The following SSH3 variants were observed in gnomAD, a reference collection of about 807,000 sequenced individuals.
The protein encoded by SSH3 is protein phosphatase Slingshot homolog 3.
A neutral mutation model predicts 75.0 loss-of-function variants in SSH3; 67 were observed. The ratio of observed to expected loss-of-function variants is 0.89; its 90% CI spans 0.73 to 1.10. The LOEUF is 1.10. Among genes scored for constraint, SSH3 ranks in the 50% least tolerant of loss-of-function variants. The pLI is 0.00. For synonymous variants in SSH3, 318 were observed against 349.2 expected (o/e 0.91, Z 1.00); for missense variants, 824 against 872.7 (o/e 0.94, Z 0.70).
chr11:67,307,258 A>G lies in SSH3; in HGVS notation c.537-113A>G, dbSNP rs1430260542. 6 of 1,563,870 alleles carry G rather than the reference A, an allele frequency of 3.8e-6. No individual in the cohort carries two copies. The East Asian group carries it at 1.4e-4, about 37-fold the overall frequency. On this transcript the variant is annotated intron_variant, in intron 5 of 13. Transcript: ENST00000308127. The surrounding 1 kb of genome is among the most constrained non-coding windows in gnomAD (Gnocchi z 4.2). ...CCAGCTCCACGTCAGATTCACCGTG[A>G]TCCTGAGCAAGGCACCTGACTCCTG...
chr11:67,305,069 A>G lies in SSH3; in HGVS notation c.339+62A>G, dbSNP rs537861551. ...AGAGACACGCCTGAGGGCAGAATGG[A>G]GCCCTGTGTATGTGTCTGCTTGGGG... is the stretch of plus-strand genomic sequence containing the variant. On this transcript the variant is annotated intron_variant, in intron 3 of 13. Coordinates refer to ENST00000308127, the MANE Select transcript of SSH3 (RefSeq NM_017857.4). The G allele has an allele frequency of 7.9e-5, 118 of 1,493,186 alleles. No individual in the cohort carries two copies. The Admixed American group carries it at 1.4e-3, about 17-fold the overall frequency. 92.5% of individuals were successfully genotyped at this position (1,493,186 alleles called of 1,614,324 possible). A position where few individuals can be genotyped will look rare whatever the true frequency, so the allele number is the denominator to read the frequency against.
chr11:67,309,444 C>G lies in SSH3; in HGVS notation c.1109C>G (p.Pro370Arg). The change falls in exon 11 of 14, where the codon CCT (proline) becomes CGT (arginine). Residue 370 changes from proline (P) to arginine (R), a missense_variant. Physicochemically the swap from Pro to Arg is moderately radical, Grantham distance 103. Transcript: ENST00000308127. ...GCCCGGGAGATTGACAACTTCTACCCTGAGCGCTTCACCTACCACAATGTG... is the reference window on the plus strand; with the variant it reads ...GCCCGGGAGATTGACAACTTCTACCGTGAGCGCTTCACCTACCACAATGTG... ...NMAREIDNFY[P>R]ERFTYHNVRL... 1 of 1,614,206 alleles carries G rather than the reference C, an allele frequency of 6.2e-7. No homozygotes were observed. The highest frequency in any genetic ancestry group is 8.5e-7 in the Non-Finnish European group (1 of 1,180,044).
intron 3 of SSH3, 117 bp from the exon 4 acceptor site, chr11:67,306,721 A>G: frequency 8.2e-7 from 1 of 1,217,848 alleles, no homozygotes; most frequent in African/African-American, 1.5e-5. Flanking sequence ...TACATCTGGG[A>G]AGAGGGGGGA....
intron 1 of SSH3, 188 bp from the exon 2 acceptor site, chr11:67,303,930 G>T (rs1342920913): frequency 5.9e-6 from 5 of 841,338 alleles, no homozygotes; most frequent in Non-Finnish European, 8.7e-6. Context: ...GCCACACTCG[G>T]CGCCCACCCA....
rs754134847 is a variant in SSH3, at chr11:67,310,058, C to T, written c.1410-8C>T. ...ACTCAGAGCTGACTCAGGGCCACCTCCTCACAGCCGCCAGAGCCATGTCTG... is the reference window on the plus strand; with the variant it reads ...ACTCAGAGCTGACTCAGGGCCACCTTCTCACAGCCGCCAGAGCCATGTCTG... On this transcript the variant is annotated splice_region_variant and splice_polypyrimidine_tract_variant and intron_variant, in intron 12 of 13. Transcript: ENST00000308127. The T allele has an allele frequency of 6.2e-7, 1 of 1,611,916 alleles. No individual in the cohort carries two copies. Among genetic ancestry groups the T allele is most frequent in the Non-Finnish European group, 8.5e-7 (1 of 1,178,828 alleles).
rs983464067 is a variant in SSH3 at position 67,312,337 on chromosome 11, G to C, written c.*450G>C. 5.2e-5 allele frequency: 8 copies of C among 154,260 alleles called. No individual in the cohort carries two copies. The highest frequency in any genetic ancestry group is 2.2e-4 in the African/African-American group (8 of 36,760). 9.6% of individuals were successfully genotyped at this position (154,260 alleles called of 1,614,324 possible). On this transcript the variant is annotated 3_prime_UTR_variant, in exon 14 of 14. Transcript: ENST00000308127. Reference sequence around the variant, plus strand: ...TGGAACCAGCCAGGCCAGGCAACCAGTGGCCCCCAAAGGCAGGCAGGATCC... The same window carrying C: ...TGGAACCAGCCAGGCCAGGCAACCACTGGCCCCCAAAGGCAGGCAGGATCC...
rs765234967 is a variant in SSH3 at position 67,306,833 on chromosome 11, C to G, written c.340-5C>G. ...TGTGACCCTGGGTTCCTCATCTCCC[C>G]CCAGGCAGCCCAGCTGGAGGCACCC... is the stretch of plus-strand genomic sequence containing the variant. On this transcript the variant is annotated splice_polypyrimidine_tract_variant and splice_region_variant and intron_variant, in intron 3 of 13. Coordinates refer to ENST00000308127, the MANE Select transcript of SSH3 (RefSeq NM_017857.4). 1 of 1,607,786 alleles carries G rather than the reference C, an allele frequency of 6.2e-7. No homozygotes were observed. The highest frequency in any genetic ancestry group is 1.1e-5 in the South Asian group (1 of 90,432).
Position 67,308,997 on chromosome 11 carries a change from G to A in SSH3, c.1062-400G>A, listed in dbSNP as rs932329411. ...GGAAGAAGGAACTGCCCTTCTCCCC[G>A]TGGGGACCTGGCTGCCTGCTCTGAC... On this transcript the variant is annotated intron_variant, in intron 10 of 13. Coordinates refer to ENST00000308127, the MANE Select transcript of SSH3 (RefSeq NM_017857.4). This position sits in a 1 kb window ranked among gnomAD's most constrained non-coding sequence, Gnocchi z 4.9. 3.3e-5 allele frequency among the ~76,000 whole-genome samples: 5 copies of A among 152,178 alleles called. No homozygotes were observed. The highest frequency in any genetic ancestry group is 2.1e-4 in the South Asian group (1 of 4,834).
chr11:67,304,290 G>C (rs1590881765), intron 2 of SSH3, 135 bp downstream of exon 2: 1 of 722,120 alleles, frequency 1.4e-6, no homozygotes, highest in East Asian at 3.0e-5. Context: ...TTGTGGGGCA[G>C]CGTTCCCGGT....
At position 67,311,737 on chromosome 11, in the gene SSH3, C is replaced by T. The variant is rs969265048; in HGVS notation, c.1830C>T (p.Ala610=). The T allele has an allele frequency of 4.5e-5, 73 of 1,613,842 alleles. No individual in the cohort carries two copies. The highest frequency in any genetic ancestry group is 5.8e-5 in the Non-Finnish European group (68 of 1,179,978). ...RQSVVTLQGS[A]VVANRTQAFQ... The stretch of plus-strand genomic sequence containing the variant: ...CAGTGGTTACCCTCCAGGGCAGTGC[C>T]GTGGTGGCCAACCGGACCCAGGCCT... The change falls in exon 14 of 14, where the codon GCC becomes GCT. Residue 610 remains alanine (A), a synonymous_variant. Transcript: ENST00000308127.
Position 67,307,578 on chromosome 11 carries a change from G to T in SSH3, c.632G>T (p.Cys211Phe). Residue 211 changes from cysteine to phenylalanine, a missense_variant, in exon 7 of 14, where the codon TGT (cysteine) becomes TTT (phenylalanine). By Grantham distance (205) the Cys-to-Phe change is radical (BLOSUM62 -2). Coordinates refer to ENST00000308127, the MANE Select transcript of SSH3 (RefSeq NM_017857.4). The surrounding 1 kb of genome is among the most constrained non-coding windows in gnomAD (Gnocchi z 4.2). ...WATLQVLHQACEAALGSGLVP... is the reference protein window; with the variant it reads ...WATLQVLHQAFEAALGSGLVP... ...ACACTCCAGGTATTGCACCAAGCAT[G>T]TGAGGCAGCTCTAGGCAGCGGCCTT... The T allele has an allele frequency of 6.2e-7, 1 of 1,612,200 alleles. No individual in the cohort carries two copies.
intron 1 of SSH3, 191 bp downstream of exon 1, chr11:67,303,882 G>A: frequency 1.3e-6 from 1 of 755,106 alleles, no homozygotes; most frequent in South Asian, 2.2e-5. Context: ...CCTGCGCGCC[G>A]CCCGGGCTGC....
Position 67,306,859 on chromosome 11 carries a change from C to T in SSH3, c.361C>T (p.Arg121Trp), listed in dbSNP as rs765145159. The T allele has an allele frequency of 2.7e-5, 44 of 1,612,240 alleles. No individual in the cohort carries two copies. The highest frequency in any genetic ancestry group is 3.5e-5 in the Non-Finnish European group (41 of 1,179,028). ...CCAGGCAGCCCAGCTGGAGGCACCC[C>T]GGCCTCCCCGGCTCCGCTACCTGCT... is the stretch of plus-strand genomic sequence containing the variant. ...IRLAAQLEAPRPPRLRYLLVV... is the reference protein window; with the variant it reads ...IRLAAQLEAPWPPRLRYLLVV... The change falls in exon 4 of 14, where the codon CGG becomes TGG. Residue 121 changes from arginine (R) to tryptophan (W), a missense_variant. Arg to Trp is a moderately radical substitution (Grantham distance 101). Coordinates refer to ENST00000308127, the MANE Select transcript of SSH3 (RefSeq NM_017857.4).
Position 67,303,630 on chromosome 11 carries a change from C to T in SSH3, c.5C>T (p.Ala2Val). ...AGGTGCTCGCGGCCTGGCTCCATGG[C>T]CCTGGTCACAGTGAGCCGTTCGCCC... is the stretch of plus-strand genomic sequence containing the variant. M[A>V]LVTVSRSPPG... Residue 2 changes from alanine to valine, a missense_variant, in exon 1 of 14, where the codon GCC (alanine) becomes GTC (valine). Physicochemically the swap from Ala to Val is moderately conservative, Grantham distance 64. Transcript: ENST00000308127. 6.6e-7 allele frequency: 1 copy of T among 1,517,040 alleles called. No homozygotes were observed. The highest frequency in any genetic ancestry group is 1.9e-4 in the Middle Eastern group (1 of 5,304). 94.0% of individuals were successfully genotyped at this position (1,517,040 alleles called of 1,614,324 possible). A position where few individuals can be genotyped will look rare whatever the true frequency, so the allele number is the denominator to read the frequency against.
Position 67,307,176 on chromosome 11 carries a change from C to T in SSH3, c.536+63C>T, listed in dbSNP as rs909876556. ...GAATAACTGAGTGTGACGGATGTGACGGGGCCTGGGCACCAGGGTACAGTA... is the reference window on the plus strand; with the variant it reads ...GAATAACTGAGTGTGACGGATGTGATGGGGCCTGGGCACCAGGGTACAGTA... On this transcript the variant is annotated intron_variant, in intron 5 of 13. Transcript: ENST00000308127. The surrounding 1 kb of genome is among the most constrained non-coding windows in gnomAD (Gnocchi z 4.2). 1.7e-5 allele frequency: 27 copies of T among 1,596,634 alleles called. No homozygotes were observed. Among genetic ancestry groups the T allele is most frequent in the Middle Eastern group, 1.7e-4 (1 of 6,014 alleles).
Position 67,304,105 on chromosome 11 carries a change from GCT to G in SSH3, c.67-7_67-6del. 2 of 1,586,228 alleles carry G rather than the reference GCT, an allele frequency of 1.3e-6. No homozygotes were observed. The highest frequency in any genetic ancestry group is 1.7e-6 in the Non-Finnish European group (2 of 1,170,970). ...CCCGCCCTCACCCTGCCCTGGGGCT[GCT>G]CTCTCCGCAGGACCAGGCGGTCCAG... On this transcript the variant is annotated splice_polypyrimidine_tract_variant and intron_variant, in intron 1 of 13. Transcript: ENST00000308127.
rs1861333093 is a variant in SSH3 at position 67,308,906 on chromosome 11, C to T, written c.1061+448C>T. 6.6e-6 allele frequency among the ~76,000 whole-genome samples: 1 copy of T among 152,078 alleles called. No individual in the cohort carries two copies. Among genetic ancestry groups the T allele is most frequent in the African/African-American group, 2.4e-5 (1 of 41,388 alleles). On this transcript the variant is annotated intron_variant, in intron 10 of 13. Transcript: ENST00000308127. The surrounding 1 kb of genome is among the most constrained non-coding windows in gnomAD (Gnocchi z 4.9). ...CCAGCCTGGGCAACAGAGAGAGACC[C>T]TGTCTCTAAAAAATAAGAAAAAAGA...
Position 67,308,848 on chromosome 11 carries a change from G to T in SSH3, c.1061+390G>T, listed in dbSNP as rs536784911. On this transcript the variant is annotated intron_variant, in intron 10 of 13. Coordinates refer to ENST00000308127, the MANE Select transcript of SSH3 (RefSeq NM_017857.4). The surrounding 1 kb of genome is among the most constrained non-coding windows in gnomAD (Gnocchi z 4.9). Reference sequence around the variant, plus strand: ...GGATCGCTTGAGCCCTGGAGATTGAGGCCGCAGTGAGCCGTGATCACGCCA... The same window carrying T: ...GGATCGCTTGAGCCCTGGAGATTGATGCCGCAGTGAGCCGTGATCACGCCA... 1.3e-5 allele frequency among the ~76,000 whole-genome samples: 2 copies of T among 152,234 alleles called. No individual in the cohort carries two copies. Among genetic ancestry groups the T allele is most frequent in the Admixed American group, 1.3e-4 (2 of 15,284 alleles).
At position 67,310,430 on chromosome 11, in the gene SSH3, A is replaced by AC. The variant is rs1302974098; in HGVS notation, c.1683+93dup. Reference sequence around the variant, plus strand: ...GACCAGGATGGGCGTTTGACTGTAGACCTGAGCAGGGCGTACCCGGGCTAA... The same window carrying AC: ...GACCAGGATGGGCGTTTGACTGTAGACCCTGAGCAGGGCGTACCCGGGCTAA... On this transcript the variant is annotated intron_variant, in intron 13 of 13. Transcript: ENST00000308127. The AC allele has an allele frequency of 4.7e-6, 7 of 1,477,440 alleles. No homozygotes were observed. In the Admixed American group the frequency reaches 1.5e-4, roughly 33 times the overall value. The allele number at this position is 1,477,440 out of a possible 1,614,324, so 91.5% of individuals were successfully genotyped here.
Sources: gnomAD v4.1 joint callset for allele counts (sites outside exome capture counted in the v4.1 genomes callset) on GRCh38, gnomAD v4.1.1 for gene constraint, Gnocchi (gnomAD v3.1) non-coding constraint, MANE v1.5 for transcripts, NCBI Gene and HGNC (gene_info 2026-07-23, HGNC 2026-07-21) for gene names.